The following RGPD1 variants were observed in gnomAD, a reference collection of about 807,000 sequenced individuals.
RGPD1 encodes the protein RANBP2 like and GRIP domain containing 1.
In RGPD1, 7 loss-of-function variants were observed where a neutral mutation model predicts 40.6. The observed-to-expected ratio is 0.17, with a 90% confidence interval of 0.10 to 0.32. RGPD1 has a LOEUF of 0.32. RGPD1 is among the 10% of genes least tolerant of loss of function. The probability of loss-of-function intolerance (pLI) is 1.00; values close to 1 mark genes in which losing one functional copy is unlikely to be tolerated. For missense variants in RGPD1, 50 were observed against 472.5 expected (o/e 0.11, Z 8.29); for synonymous variants, 24 against 167.0 (o/e 0.14, Z 6.60).
rs1679840475 is a variant in RGPD1, at chr2:86,942,221, C to G, written c.-16C>G. ...GCGCTGGTTTCACGCGTCTCGGGAG[C>G]CAGGTTGGCGGTGCGATGAGGCGCA... On this transcript the variant is annotated 5_prime_UTR_variant, in exon 1 of 23. Coordinates refer to ENST00000641458, the MANE Select transcript of RGPD1 (RefSeq NM_001382344.1). 1 of 1,600,344 alleles carries G rather than the reference C, an allele frequency of 6.2e-7. No individual in the cohort carries two copies. The highest frequency in any genetic ancestry group is 1.1e-5 in the South Asian group (1 of 88,752).
At chr2:86,938,660 G>GC (rs545298966), upstream of RGPD1, among the ~76,000 whole-genome samples, 797 of 150,202 alleles carry the variant, frequency 5.3e-3, 2 homozygotes, top group African/African-American at 0.018. Flanking sequence ...ATGCTTTAAG[G>GC]CCCAGGACAG....
At chr2:86,931,532 A>G (rs1308339495) in intron 1 of RGPD1, among the ~76,000 whole-genome samples, 3 of 151,938 alleles carry the variant, frequency 2.0e-5, no homozygotes, top group East Asian at 3.9e-4. Flanking sequence ...ACTAACAATA[A>G]TGATTTCAGC....
At chr2:86,920,453 C>T (rs1573565105) in intron 1 of RGPD1, among the ~76,000 whole-genome samples, 1 of 146,300 alleles carries the variant, frequency 6.8e-6, no homozygotes, top group Middle Eastern at 3.4e-3. Context: ...AAGATTAAGC[C>T]TCATAGAAAC....
chr2:86,964,400 CA>C (rs1300906336), intron 7 of RGPD1, among the ~76,000 whole-genome samples: 2 of 43,564 alleles, frequency 4.6e-5, no homozygotes, highest in African/African-American at 2.9e-4. Flanking sequence ...AGCAGTCTTC[CA>C]AAAAAAGCAT....
At chr2:86,962,506 TCA>T (rs1491554125) in intron 6 of RGPD1, among the ~76,000 whole-genome samples, 1 of 31,306 alleles carries the variant, frequency 3.2e-5, no homozygotes, top group Non-Finnish European at 4.5e-5. Flanking sequence ...AGACTCTGTC[TCA>T]AAAAAAAAAA....
intron 4 of RGPD1, among the ~76,000 whole-genome samples, chr2:86,956,072 G>A (rs1680710960): frequency 6.9e-6 from 1 of 145,110 alleles, no homozygotes; most frequent in Non-Finnish European, 1.5e-5. Context: ...GTCATGCAAA[G>A]TAATTCCATT....
chr2:86,928,592 T>C (rs1401174232), intron 1 of RGPD1, among the ~76,000 whole-genome samples: 1 of 152,146 alleles, frequency 6.6e-6, no homozygotes, highest in Non-Finnish European at 1.5e-5. Flanking sequence ...GGATTGTGGA[T>C]ATGGTTTGAT....
upstream of RGPD1, among the ~76,000 whole-genome samples, chr2:86,941,114 A>C (rs1679711372): frequency 6.6e-6 from 1 of 152,160 alleles, no homozygotes; most frequent in Non-Finnish European, 1.5e-5. Flanking sequence ...TCCAGTTAAA[A>C]ATATCAACGC....
intron 1 of RGPD1, among the ~76,000 whole-genome samples, chr2:86,945,580 C>T (rs1680288513): frequency 6.6e-6 from 1 of 152,168 alleles, no homozygotes; most frequent in Non-Finnish European, 1.5e-5. Context: ...ATTTGTTAGT[C>T]TTCTCTTGTT....
At chr2:86,928,739 C>CT (rs1678687092) in intron 1 of RGPD1, among the ~76,000 whole-genome samples, 5 of 152,140 alleles carry the variant, frequency 3.3e-5, no homozygotes, top group African/African-American at 4.8e-5. Context: ...AGTAGACAGG[C>CT]ACCATTCATG....
intron 1 of RGPD1, among the ~76,000 whole-genome samples, chr2:86,945,218 C>A (rs941599701): frequency 3.3e-5 from 5 of 152,036 alleles, no homozygotes; most frequent in Admixed American, 6.6e-5. Flanking sequence ...ATTATGACCA[C>A]CTCTCTTACA....
At chr2:86,960,878 C>T (rs1427617678) in intron 6 of RGPD1, among the ~76,000 whole-genome samples, 29 of 29,020 alleles carry the variant, frequency 1.0e-3, no homozygotes, top group Middle Eastern at 0.014. Context: ...CATGAGCCAC[C>T]GCGCCCGGCT....
At chr2:86,920,057 G>A (rs1489227662) in intron 1 of RGPD1, among the ~76,000 whole-genome samples, 3 of 152,168 alleles carry the variant, frequency 2.0e-5, no homozygotes, top group East Asian at 1.9e-4. Context: ...GGAAAATAGG[G>A]ACAATTTTCT....
At chr2:86,931,867 G>A (rs1176167136) in intron 1 of RGPD1, among the ~76,000 whole-genome samples, 54 of 148,498 alleles carry the variant, frequency 3.6e-4, no homozygotes, top group Admixed American at 3.2e-3. Context: ...ATCAGAGTTT[G>A]TAATTTCCAT....
chr2:86,942,704 G>C (rs1263938475), intron 1 of RGPD1, among the ~76,000 whole-genome samples: 12 of 138,946 alleles, frequency 8.6e-5, no homozygotes, highest in Non-Finnish European at 9.4e-5. Context: ...TGGCCTCGAC[G>C]TGGCCCGGCG....
At chr2:86,943,883 G>C (rs1680118563) in intron 1 of RGPD1, among the ~76,000 whole-genome samples, 1 of 151,978 alleles carries the variant, frequency 6.6e-6, no homozygotes. Context: ...GCGTGGTGGT[G>C]CACACCTGTA....
rs1237660968 is a variant in RGPD1, at chr2:86,967,432, CCT to C, written c.976-1795_976-1794del. Among the ~76,000 whole-genome samples the C allele has an allele frequency of 1.8e-5, 2 of 108,620 alleles. 1 individual carries two copies. Among genetic ancestry groups the C allele is most frequent in the Non-Finnish European group, 4.2e-5 (2 of 47,958 alleles). 71.3% of individuals were successfully genotyped at this position (108,620 alleles called of 152,430 possible). On this transcript the variant is annotated intron_variant, in intron 7 of 22. Transcript: ENST00000641458. ...TCTCCAAGTAAACACACATATATCCCCTGTCTTTAAAAGAAGGAGGAAAACAT... is the reference window on the plus strand; with the variant it reads ...TCTCCAAGTAAACACACATATATCCCGTCTTTAAAAGAAGGAGGAAAACAT...
At chr2:86,940,948 T>C, upstream of RGPD1, among the ~76,000 whole-genome samples, 1 of 152,186 alleles carries the variant, frequency 6.6e-6, no homozygotes, top group East Asian at 1.9e-4. Flanking sequence ...AATCATCTTT[T>C]TCTTTTCTTT....
At chr2:86,988,460 CA>C (rs1158180661) in intron 20 of RGPD1, among the ~76,000 whole-genome samples, 1 of 72,134 alleles carries the variant, frequency 1.4e-5, no homozygotes, top group Non-Finnish European at 2.9e-5. Context: ...AAAAAAAAAA[CA>C]AAAAAACAAA....
Sources: gnomAD v4.1 joint callset for allele counts (sites outside exome capture counted in the v4.1 genomes callset) on GRCh38, gnomAD v4.1.1 for gene constraint, MANE v1.5 for transcripts, NCBI Gene and HGNC (gene_info 2026-07-23, HGNC 2026-07-21) for gene names.